PLCXD3: variants seen among roughly 807,000 people sequenced by gnomAD.
The protein encoded by PLCXD3 is PI-PLC X domain-containing protein 3.
PLCXD3 carries 19 observed loss-of-function variants against 25.5 expected under a neutral mutation model. That is an observed-to-expected ratio of 0.75 (90% CI 0.52 to 1.09). The LOEUF is 1.09. Among genes scored for constraint, PLCXD3 ranks in the 50% least tolerant of loss-of-function variants. PLCXD3 has a pLI of 0.00. For synonymous variants in PLCXD3, 174 were observed against 137.6 expected (o/e 1.26, Z -1.85); for missense variants, 411 against 388.1 (o/e 1.06, Z -0.50).
chr5:41,403,411 T>TTTTTTTTTTTG (rs1554047977), intron 1 of PLCXD3, among the ~76,000 whole-genome samples: 1 of 38,316 alleles, frequency 2.6e-5, no homozygotes, highest in African/African-American at 8.9e-5. Flanking sequence ...GTTTTTTTTT[T>TTTTTTTTTTTG]TTTTTATTAT....
chr5:41,509,664 C>T, intron 1 of PLCXD3, among the ~76,000 whole-genome samples: 1 of 152,252 alleles, frequency 6.6e-6, no homozygotes, highest in East Asian at 1.9e-4. Flanking sequence ...CGCAGGTTCC[C>T]CTGCCCAGCT....
In PLCXD3 at chr5:41,462,790, G is replaced by GA. The variant is rs556844505; in HGVS notation, c.103+47633dup. ...AAAGAATGAAACTCTGTCTCAAAAA[G>GA]AAAAAAAAAAGAAAAAGAAAAAGAA... On this transcript the variant is annotated intron_variant, in intron 1 of 2. Transcript: ENST00000377801. 2.9e-3 allele frequency among the ~76,000 whole-genome samples: 409 copies of GA among 140,910 alleles called. 1 individual carries two copies. Among genetic ancestry groups the GA allele is most frequent in the African/African-American group, 9.3e-3 (353 of 38,028 alleles). 92.4% of individuals were successfully genotyped at this position (140,910 alleles called of 152,430 possible). A position where few individuals can be genotyped will look rare whatever the true frequency, so the allele number is the denominator to read the frequency against.
intron 1 of PLCXD3, among the ~76,000 whole-genome samples, chr5:41,403,401 G>GTTGTTTTTGTTT (rs1746250356): frequency 2.2e-4 from 4 of 18,412 alleles, no homozygotes; most frequent in Non-Finnish European, 5.6e-4. Flanking sequence ...CTTATTTGTT[G>GTTGTTTTTGTTT]TTTTTTTTTT....
intron 1 of PLCXD3, chr5:41,456,507 GA>G (rs148267483): frequency 1.4e-4 from 114 of 804,620 alleles, no homozygotes; most frequent in African/African-American, 4.6e-4. Context: ...CATTTATGTT[GA>G]AAAAAAAAGA....
chr5:41,454,787 CA>C (rs888002751), intron 1 of PLCXD3, among the ~76,000 whole-genome samples: 13 of 152,018 alleles, frequency 8.6e-5, no homozygotes, highest in African/African-American at 2.9e-4. Context: ...TCCAAGTTTA[CA>C]AAAGAAACCA....
At chr5:41,320,151 G>A (rs1209614800) in intron 2 of PLCXD3, among the ~76,000 whole-genome samples, 1 of 151,872 alleles carries the variant, frequency 6.6e-6, no homozygotes, top group Non-Finnish European at 1.5e-5. Flanking sequence ...AGACCTGATG[G>A]CGTCACTGCC....
At chr5:41,324,009 C>T (rs1160682029) in intron 2 of PLCXD3, among the ~76,000 whole-genome samples, 1 of 152,022 alleles carries the variant, frequency 6.6e-6, no homozygotes, top group Non-Finnish European at 1.5e-5. Flanking sequence ...GGACAGAGAG[C>T]TGCTCAGAAG....
At chr5:41,336,328 G>A (rs996464635) in intron 2 of PLCXD3, among the ~76,000 whole-genome samples, 5 of 152,078 alleles carry the variant, frequency 3.3e-5, no homozygotes, top group African/African-American at 1.2e-4. Flanking sequence ...AATAATAAAA[G>A]TGAATAGTAA....
At chr5:41,420,049 T>G (rs1746783215) in intron 1 of PLCXD3, among the ~76,000 whole-genome samples, 1 of 152,214 alleles carries the variant, frequency 6.6e-6, no homozygotes, top group African/African-American at 2.4e-5. Context: ...TTATTCTCTG[T>G]CAAATGTGTT....
chr5:41,398,090 A>G (rs1283588514), intron 1 of PLCXD3, among the ~76,000 whole-genome samples: 2 of 152,202 alleles, frequency 1.3e-5, no homozygotes, highest in Non-Finnish European at 2.9e-5. Flanking sequence ...ACTGTTAGGA[A>G]GGCACGTCTG....
intron 1 of PLCXD3, among the ~76,000 whole-genome samples, chr5:41,486,720 G>A (rs1748525264): frequency 1.3e-5 from 2 of 152,126 alleles, no homozygotes; most frequent in South Asian, 2.1e-4. Flanking sequence ...TGTAATGGTC[G>A]AAAGAGCTAC....
intron 2 of PLCXD3, among the ~76,000 whole-genome samples, chr5:41,338,881 G>T (rs1744056669): frequency 6.6e-6 from 1 of 152,000 alleles, no homozygotes; most frequent in Non-Finnish European, 1.5e-5. Context: ...CCTCTAAAAG[G>T]GGTAACCGGA....
At chr5:41,366,932 C>T (rs530476106) in intron 2 of PLCXD3, among the ~76,000 whole-genome samples, 6 of 152,262 alleles carry the variant, frequency 3.9e-5, no homozygotes, top group Non-Finnish European at 8.8e-5. Context: ...AGGATAATGG[C>T]TCCCAGTTTT....
chr5:41,381,977 C>T lies in PLCXD3; in HGVS notation c.661G>A (p.Asp221Asn). ...AGAAACTGGATCAGTTTCTCGGGGT[C>T]TGTGGTGTTGGCCCAGGGTGCTGGC... The part of the protein sequence containing the change: ...MMPAPWANTT[D>N]PEKLIQFLQA... The change falls in exon 2 of 3, where the codon GAC becomes AAC. Residue 221 changes from aspartate to asparagine, a missense_variant. Physicochemically the swap from Asp to Asn is conservative, Grantham distance 23. Transcript: ENST00000377801. The T allele has an allele frequency of 6.2e-7, 1 of 1,613,500 alleles. No homozygotes were observed.
chr5:41,400,181 C>T (rs369226965), intron 1 of PLCXD3, among the ~76,000 whole-genome samples: 1 of 151,692 alleles, frequency 6.6e-6, no homozygotes, highest in Non-Finnish European at 1.5e-5. Flanking sequence ...ACAAAGAGAG[C>T]CAATAATATA....
chr5:41,498,445 T>C (rs889199965), intron 1 of PLCXD3, among the ~76,000 whole-genome samples: 5 of 151,616 alleles, frequency 3.3e-5, no homozygotes, highest in Non-Finnish European at 7.4e-5. Context: ...CTTAGAAACA[T>C]ACAACCTGTT....
intron 2 of PLCXD3, among the ~76,000 whole-genome samples, chr5:41,322,688 A>C (rs937261371): frequency 6.6e-6 from 1 of 152,214 alleles, no homozygotes; most frequent in African/African-American, 2.4e-5. Context: ...CTGGATAAAG[A>C]AAATGTGGCT....
In PLCXD3 at chr5:41,313,565, C is replaced by G; in HGVS notation, c.*52G>C. 6.2e-7 allele frequency: 1 copy of G among 1,603,680 alleles called. No individual in the cohort carries two copies. The highest frequency in any genetic ancestry group is 8.5e-7 in the Non-Finnish European group (1 of 1,171,156). On this transcript the variant is annotated 3_prime_UTR_variant, in exon 3 of 3. Transcript: ENST00000377801. ...TCAGAGTGTTTACAGATAGTATGCC[C>G]TAATACAATGAGCTTTCTCCATCTT...
chr5:41,473,221 A>G (rs1748204485), intron 1 of PLCXD3, among the ~76,000 whole-genome samples: 1 of 152,118 alleles, frequency 6.6e-6, no homozygotes, highest in African/African-American at 2.4e-5. Flanking sequence ...CAGTATTTCA[A>G]AATAATAAAG....
Sources: allele counts gnomAD v4.1 joint callset (sites outside exome capture counted in the v4.1 genomes callset), GRCh38; gene constraint gnomAD v4.1.1; transcripts MANE v1.5; gene names NCBI Gene and HGNC (gene_info 2026-07-23, HGNC 2026-07-21).